Variants in KANK1 observed in about 807,000 individuals in gnomAD.
KANK1 encodes KN motif and ankyrin repeat domain-containing protein 1.
Under a neutral mutation model 106.2 loss-of-function variants are expected in KANK1, and 109 were observed. That is an observed-to-expected ratio of 1.03 (90% CI 0.88 to 1.20). The LOEUF (loss-of-function observed/expected upper bound fraction) is 1.20, where lower values mean the gene tolerates loss of function less well. Ranked by LOEUF, KANK1 falls within the 50% of genes most tolerant of loss-of-function variation. KANK1 has a pLI of 0.00. For synonymous variants in KANK1, 873 were observed against 652.2 expected (o/e 1.34, Z -5.16); for missense variants, 2,399 against 1,710.7 (o/e 1.40, Z -7.10).
At chr9:516,126 CTG>C (rs1362735569) in intron 1 of KANK1, among the ~76,000 whole-genome samples, 1 of 151,470 alleles carries the variant, frequency 6.6e-6, no homozygotes, top group South Asian at 2.1e-4. Context: ...TCTTAAATAT[CTG>C]TAAGGTACTT....
chr9:720,141 T>C (rs1373551062), intron 3 of KANK1, among the ~76,000 whole-genome samples: 8 of 152,200 alleles, frequency 5.3e-5, no homozygotes, highest in Admixed American at 2.6e-4. Flanking sequence ...TCTGACCAAG[T>C]CGTAAAATGA....
In KANK1 at chr9:521,339, G is replaced by C. The variant is rs139566556; in HGVS notation, c.-84+16585G>C. Among the ~76,000 whole-genome samples, 874 of 151,556 alleles carry C rather than the reference G, an allele frequency of 5.8e-3. 34 individuals carry two copies. Among genetic ancestry groups the C allele is most frequent in the African/African-American group, 0.02 (818 of 40,932 alleles). On this transcript the variant is annotated intron_variant, in intron 1 of 11. Coordinates refer to ENST00000382297, the MANE Select transcript of KANK1 (RefSeq NM_015158.5). ...TAGGCAAGAGTCTTAGGTAGCTTCT[G>C]TAATTTTTATGAGAAAGCTGAAGTC...
At position 740,812 on chromosome 9, in the gene KANK1, C is replaced by T. The variant is rs772374147; in HGVS notation, c.3574C>T (p.Gln1192Ter). 4 of 1,612,882 alleles carry T rather than the reference C, an allele frequency of 2.5e-6. No individual in the cohort carries two copies. In the South Asian group the frequency reaches 4.4e-5, roughly 18 times the overall value. Reference protein sequence around the residue: ...LDADVCNVDHQNKAGYTPIML... With the variant: ...LDADVCNVDH ...TACAGATGTGTGTAATGTGGATCAC[C>T]AGAACAAGGCAGGCTACACCCCCAT... Residue 1192 changes from glutamine (Q) to a stop codon, truncating the protein, a stop_gained, in exon 9 of 12, where the codon CAG (glutamine) becomes TAG (stop). Coordinates refer to ENST00000382297, the MANE Select transcript of KANK1 (RefSeq NM_015158.5). LOFTEE classifies it high-confidence loss of function.
intron 3 of KANK1, among the ~76,000 whole-genome samples, chr9:720,739 C>T (rs890312883): frequency 1.3e-5 from 2 of 152,296 alleles, no homozygotes; most frequent in South Asian, 2.1e-4. Context: ...CTCAAACCAT[C>T]CTCCAGCCTC....
chr9:725,631 G>A (rs1445768165), intron 3 of KANK1, among the ~76,000 whole-genome samples: 2 of 152,092 alleles, frequency 1.3e-5, no homozygotes, highest in Admixed American at 1.3e-4. Context: ...ATTCTTGTAG[G>A]TGGTGGGGAA....
In KANK1 at chr9:654,379, C is replaced by A. The variant is rs191266763; in HGVS notation, c.-83-22511C>A. 9.2e-5 allele frequency among the ~76,000 whole-genome samples: 14 copies of A among 152,266 alleles called. No homozygotes were observed. The East Asian group carries it at 2.5e-3, about 27-fold the overall frequency. On this transcript the variant is annotated intron_variant, in intron 1 of 11. Transcript: ENST00000382297. ...TTTGTTAGAAATGTAAATTTTAACA[C>A]CATGTCAGACTCACTGAATCAAAAT...
intron 3 of KANK1, among the ~76,000 whole-genome samples, chr9:493,109 A>G (rs1222533775): frequency 6.6e-6 from 1 of 151,584 alleles, no homozygotes; most frequent in Non-Finnish European, 1.5e-5. Context: ...ACATCCTTGT[A>G]CAGTCCCTTC....
chr9:492,615 TTTA>T (rs2058396339), intron 3 of KANK1, among the ~76,000 whole-genome samples: 1 of 152,202 alleles, frequency 6.6e-6, no homozygotes, highest in Admixed American at 6.5e-5. Flanking sequence ...AATATCATTA[TTTA>T]TTATTATTTG....
intron 1 of KANK1, among the ~76,000 whole-genome samples, chr9:667,152 C>G (rs993435537): frequency 6.6e-6 from 1 of 151,724 alleles, no homozygotes; most frequent in East Asian, 1.9e-4. Flanking sequence ...GAGGTTTTCT[C>G]TTTCTTCGTG....
At chr9:503,073 A>T (rs1456851267), upstream of KANK1, among the ~76,000 whole-genome samples, 1 of 146,654 alleles carries the variant, frequency 6.8e-6, no homozygotes, top group African/African-American at 2.6e-5. Flanking sequence ...TCCTGGGGTC[A>T]ACTGATCTAC....
intron 1 of KANK1, among the ~76,000 whole-genome samples, chr9:627,400 C>T (rs2136622887): frequency 6.8e-6 from 1 of 147,792 alleles, no homozygotes; most frequent in Non-Finnish European, 1.5e-5. Context: ...AGCCACAGAG[C>T]TTCTGCCCCC....
At chr9:496,128 ATTC>A (rs1459025550) in intron 3 of KANK1, among the ~76,000 whole-genome samples, 1 of 152,182 alleles carries the variant, frequency 6.6e-6, no homozygotes, top group Non-Finnish European at 1.5e-5. Context: ...TGTGAGCCCC[ATTC>A]TTCTTGTCTG....
At chr9:668,509 G>A (rs188241401) in intron 1 of KANK1, among the ~76,000 whole-genome samples, 6 of 152,146 alleles carry the variant, frequency 3.9e-5, no homozygotes, top group Middle Eastern at 3.4e-3. Context: ...GAGAATTACC[G>A]TTTTGTTTCT....
chr9:745,228 T>TTGATTGATTG lies in KANK1; in HGVS notation c.4054_*4dup. 6.2e-7 allele frequency: 1 copy of TTGATTGATTG among 1,614,054 alleles called. No homozygotes were observed. The highest frequency in any genetic ancestry group is 1.1e-5 in the South Asian group (1 of 91,062). On this transcript the variant is annotated stop_gained and frameshift_variant, in exon 12 of 12. Transcript: ENST00000382297. LOFTEE classifies it high-confidence loss of function. The stretch of plus-strand genomic sequence containing the variant: ...CCTGGCCCCACCCACCGAGGTTCAT[T>TTGATTGATTG]TGATTGATTGTATGCAAATAGCCCT...
At chr9:560,595 A>T (rs993335795) in intron 1 of KANK1, among the ~76,000 whole-genome samples, 2 of 152,244 alleles carry the variant, frequency 1.3e-5, no homozygotes, top group African/African-American at 4.8e-5. Flanking sequence ...TATTTTTAAC[A>T]TGCCCATGTT....
intron 1 of KANK1, among the ~76,000 whole-genome samples, chr9:550,980 C>G (rs59020934): frequency 0.013 from 2,033 of 151,896 alleles, 49 homozygotes; most frequent in African/African-American, 0.046. Flanking sequence ...TGCCTCACAT[C>G]TTGAGAGAAG....
At position 731,161 on chromosome 9, in the gene KANK1, G is replaced by C. The variant is rs762380962; in HGVS notation, c.2900G>C (p.Cys967Ser). ...DDQIAAGLYA[C>S]TNNESTLKSI... ...TATTGCCTTGACTTTTTCACAGCATGTACAAACAATGAAAGTACACTGAAG... is the reference window on the plus strand; with the variant it reads ...TATTGCCTTGACTTTTTCACAGCATCTACAAACAATGAAAGTACACTGAAG... Residue 967 changes from cysteine (C) to serine (S), a missense_variant, in exon 5 of 12, where the codon TGT (cysteine) becomes TCT (serine). Transcript: ENST00000382297. 1.3e-6 allele frequency: 2 copies of C among 1,590,986 alleles called. No individual in the cohort carries two copies. Among genetic ancestry groups the C allele is most frequent in the Non-Finnish European group, 1.7e-6 (2 of 1,160,776 alleles).
rs529957776 is a variant in KANK1, at chr9:665,172, G to A, written c.-83-11718G>A. 2.6e-5 allele frequency among the ~76,000 whole-genome samples: 4 copies of A among 152,220 alleles called. No homozygotes were observed. In the South Asian group the frequency reaches 6.2e-4, roughly 24 times the overall value. ...CTGTGCAGAAGCTTTTCAGCTTGAT[G>A]TAATCCCATTTGTCCATTTTCGTTT... On this transcript the variant is annotated intron_variant, in intron 1 of 11. Transcript: ENST00000382297.
chr9:621,070 C>G (rs1015501229), intron 1 of KANK1, among the ~76,000 whole-genome samples: 8 of 152,132 alleles, frequency 5.3e-5, no homozygotes, highest in Non-Finnish European at 7.4e-5. Flanking sequence ...ATGCCCAGTA[C>G]TAGAAATCTA....
Sources: allele counts gnomAD v4.1 joint callset (sites outside exome capture counted in the v4.1 genomes callset), GRCh38; gene constraint gnomAD v4.1.1; transcripts MANE v1.5; gene names NCBI Gene and HGNC (gene_info 2026-07-23, HGNC 2026-07-21).